RANBP2: variants seen among roughly 807,000 people sequenced by gnomAD.
The protein encoded by RANBP2 is RAN binding protein 2, also known as E3 SUMO-protein ligase RanBP2.
RANBP2 carries 57 observed loss-of-function variants against 303.6 expected under a neutral mutation model. The ratio of observed to expected loss-of-function variants is 0.19; its 90% CI spans 0.15 to 0.23. RANBP2 has a LOEUF of 0.23. RANBP2 is among the 10% of genes least tolerant of loss of function. RANBP2 has a pLI of 1.00. For missense variants in RANBP2, 3,138 were observed against 3,780.8 expected (o/e 0.83, Z 4.46); for synonymous variants, 1,167 against 1,301.5 (o/e 0.90, Z 2.23).
chr2:108,786,847 C>T (rs753845410), downstream of RANBP2: 9 of 1,593,056 alleles, frequency 5.6e-6, no homozygotes, highest in Middle Eastern at 1.7e-4. Context: ...CGTCAAGCCA[C>T]CGGGGCAGGA....
the RANBP2 span, among the ~76,000 whole-genome samples, chr2:109,671,304 G>A: frequency 6.6e-6 from 1 of 151,760 alleles, no homozygotes; most frequent in East Asian, 1.9e-4. Flanking sequence ...CAGGGCAGGG[G>A]CAGGGCTGTG....
chr2:108,790,125 A>G (rs1679661593), downstream of RANBP2, among the ~76,000 whole-genome samples: 1 of 152,136 alleles, frequency 6.6e-6, no homozygotes, highest in South Asian at 2.1e-4. Context: ...TGGGTAAATA[A>G]TAAGTACTCA....
chr2:109,370,547 C>T, the RANBP2 span, among the ~76,000 whole-genome samples: 1 of 152,148 alleles, frequency 6.6e-6, no homozygotes, highest in Non-Finnish European at 1.5e-5. Context: ...CCATCTGTCT[C>T]TCTTGACACT....
the RANBP2 span, among the ~76,000 whole-genome samples, chr2:109,024,089 C>A: frequency 6.6e-5 from 10 of 152,112 alleles, no homozygotes; most frequent in African/African-American, 2.4e-4. Flanking sequence ...CCACGCCCCG[C>A]TAATTTTGTA....
At chr2:109,303,579 C>T in the RANBP2 span, among the ~76,000 whole-genome samples, 2 of 152,168 alleles carry the variant, frequency 1.3e-5, no homozygotes, top group Non-Finnish European at 2.9e-5. Context: ...CGATGATGCC[C>T]AAGGGACGGG....
At chr2:108,851,289 T>G in the RANBP2 span, among the ~76,000 whole-genome samples, 1 of 152,002 alleles carries the variant, frequency 6.6e-6, no homozygotes, top group Non-Finnish European at 1.5e-5. Context: ...CTGGGGTGTT[T>G]TGTTTTTTGT....
the RANBP2 span, chr2:109,594,754 CAT>C: frequency 2.6e-5 from 4 of 152,222 alleles, no homozygotes; most frequent in African/African-American, 7.2e-5. Flanking sequence ...CACACACACA[CAT>C]ACACAGTGAA....
chr2:109,740,278 C>A, the RANBP2 span, among the ~76,000 whole-genome samples: 2 of 151,606 alleles, frequency 1.3e-5, no homozygotes, highest in Admixed American at 6.6e-5. Context: ...TGAGCCACTG[C>A]GCCCGGCCAA....
the RANBP2 span, among the ~76,000 whole-genome samples, chr2:109,515,484 C>CA: frequency 6.6e-6 from 1 of 152,074 alleles, no homozygotes; most frequent in Non-Finnish European, 1.5e-5. Context: ...GAGCCATTGG[C>CA]AGTGCAGGCC....
chr2:109,667,614 C>A, the RANBP2 span, among the ~76,000 whole-genome samples: 1 of 152,106 alleles, frequency 6.6e-6, no homozygotes, highest in Non-Finnish European at 1.5e-5. Context: ...CCTGTATCTC[C>A]ATGCCAACAA....
the RANBP2 span, among the ~76,000 whole-genome samples, chr2:108,855,081 C>A: frequency 6.6e-6 from 1 of 152,004 alleles, no homozygotes; most frequent in East Asian, 1.9e-4. Flanking sequence ...AAGAAACCAA[C>A]TTTGATATAA....
the RANBP2 span, among the ~76,000 whole-genome samples, chr2:109,411,583 C>T: frequency 6.6e-6 from 1 of 152,196 alleles, no homozygotes; most frequent in African/African-American, 2.4e-5. Flanking sequence ...GAAGCCACGA[C>T]CAGTGTGCCA....
At chr2:108,827,803 G>C in the RANBP2 span, among the ~76,000 whole-genome samples, 1 of 131,234 alleles carries the variant, frequency 7.6e-6, no homozygotes, top group African/African-American at 2.8e-5. Flanking sequence ...GCGACAGAGA[G>C]AGAATATGTC....
the RANBP2 span, among the ~76,000 whole-genome samples, chr2:109,055,211 G>C: frequency 5.4e-4 from 82 of 152,194 alleles, no homozygotes; most frequent in Admixed American, 1.8e-3. Flanking sequence ...TGAAGTGTCT[G>C]TTCAAATCTT....
chr2:108,906,275 C>T, the RANBP2 span: 9 of 1,608,486 alleles, frequency 5.6e-6, no homozygotes, highest in Non-Finnish European at 6.8e-6. Context: ...GTGGGGTGGG[C>T]ACCACCTCTC....
the RANBP2 span, among the ~76,000 whole-genome samples, chr2:109,007,309 GAC>G: frequency 6.6e-6 from 1 of 152,220 alleles, no homozygotes; most frequent in Admixed American, 6.5e-5. Context: ...AGATCAGATA[GAC>G]ACATACCATA....
the RANBP2 span, among the ~76,000 whole-genome samples, chr2:109,576,816 G>A: frequency 2.0e-5 from 3 of 152,028 alleles, no homozygotes; most frequent in African/African-American, 7.2e-5. Flanking sequence ...GAATCAGAGC[G>A]ATTAAGAGTA....
chr2:109,713,628 C>T, the RANBP2 span, among the ~76,000 whole-genome samples: 21 of 152,160 alleles, frequency 1.4e-4, no homozygotes, highest in Non-Finnish European at 2.1e-4. Flanking sequence ...CAGAAGTGGT[C>T]GTGGTCTTGG....
chr2:109,652,924 C>T, the RANBP2 span, among the ~76,000 whole-genome samples: 1 of 152,162 alleles, frequency 6.6e-6, no homozygotes, highest in Admixed American at 6.6e-5. Flanking sequence ...CCTGGTAAGG[C>T]TCCTGGGCTC....
Sources: gnomAD v4.1 joint callset for allele counts (sites outside exome capture counted in the v4.1 genomes callset) on GRCh38, gnomAD v4.1.1 for gene constraint, MANE v1.5 for transcripts, NCBI Gene and HGNC (gene_info 2026-07-23, HGNC 2026-07-21) for gene names.